The following FRMD3 variants were observed in gnomAD, a reference collection of about 807,000 sequenced individuals.
FRMD3 encodes the protein FERM domain-containing protein 3.
FRMD3 carries 33 observed loss-of-function variants against 70.2 expected under a neutral mutation model. The observed-to-expected ratio is 0.47, with a 90% CI of 0.36 to 0.63. FRMD3 has a LOEUF of 0.63. FRMD3 is among the 20% of genes least tolerant of loss of function. The pLI is 0.00. For missense variants in FRMD3, 632 were observed against 711.4 expected (o/e 0.89, Z 1.27); for synonymous variants, 279 against 255.9 (o/e 1.09, Z -0.86).
intron 1 of FRMD3, among the ~76,000 whole-genome samples, chr9:83,488,488 G>A (rs1205188792): frequency 2.0e-5 from 3 of 152,170 alleles, no homozygotes; most frequent in Non-Finnish European, 4.4e-5. Flanking sequence ...CTATGGATTA[G>A]GACAGGTGGG....
At chr9:83,484,728 A>G (rs541730394) in intron 1 of FRMD3, among the ~76,000 whole-genome samples, 4 of 152,296 alleles carry the variant, frequency 2.6e-5, no homozygotes, top group African/African-American at 7.2e-5. Flanking sequence ...TGTGTTGCCA[A>G]TTTTAAGGAG....
At chr9:83,415,801 A>T (rs990578713) in intron 1 of FRMD3, among the ~76,000 whole-genome samples, 7 of 151,846 alleles carry the variant, frequency 4.6e-5, no homozygotes, top group African/African-American at 1.7e-4. Flanking sequence ...AGCCTTTTAT[A>T]TGTAATTTGT....
intron 2 of FRMD3, among the ~76,000 whole-genome samples, chr9:83,378,490 T>A (rs1825225077): frequency 8.8e-6 from 1 of 114,024 alleles, no homozygotes; most frequent in African/African-American, 3.4e-5. Flanking sequence ...ATATATAATA[T>A]ACATATAAAA....
the FRMD3 span, among the ~76,000 whole-genome samples, chr9:83,562,132 G>A: frequency 3.3e-5 from 5 of 152,288 alleles, no homozygotes; most frequent in East Asian, 1.9e-4. Context: ...CTCACAGAAC[G>A]AGCTAGCGGG....
chr9:83,451,731 C>A (rs1827663917), intron 1 of FRMD3, among the ~76,000 whole-genome samples: 1 of 152,164 alleles, frequency 6.6e-6, no homozygotes, highest in African/African-American at 2.4e-5. Flanking sequence ...GCCAGAGGAC[C>A]AGTCCCAGCC....
At chr9:83,411,612 C>A (rs371561980) in intron 1 of FRMD3, among the ~76,000 whole-genome samples, 1 of 152,194 alleles carries the variant, frequency 6.6e-6, no homozygotes, top group South Asian at 2.1e-4. Context: ...AGTGGGGATT[C>A]CCCCTTGCTT....
intron 5 of FRMD3, among the ~76,000 whole-genome samples, chr9:83,336,077 G>A (rs965756715): frequency 1.3e-5 from 2 of 152,068 alleles, no homozygotes; most frequent in African/African-American, 4.8e-5. Flanking sequence ...AAGAATACAG[G>A]ATTTCAGTTA....
chr9:83,334,495 G>C (rs917892041), intron 6 of FRMD3, among the ~76,000 whole-genome samples: 5 of 152,198 alleles, frequency 3.3e-5, no homozygotes, highest in African/African-American at 1.2e-4. Context: ...GTCTGTTCCA[G>C]AATGCATAAT....
intron 4 of FRMD3, among the ~76,000 whole-genome samples, chr9:83,349,104 T>A (rs1370379999): frequency 6.6e-6 from 1 of 152,072 alleles, no homozygotes; most frequent in African/African-American, 2.4e-5. Flanking sequence ...TGTGCCCAGG[T>A]TATTCAAGGA....
chr9:83,464,884 G>C (rs1270904176), intron 1 of FRMD3, among the ~76,000 whole-genome samples: 1 of 151,732 alleles, frequency 6.6e-6, no homozygotes. Flanking sequence ...GCCAGGCTTG[G>C]TGGTGTGCAC....
At chr9:83,565,268 T>C in the FRMD3 span, among the ~76,000 whole-genome samples, 3 of 152,234 alleles carry the variant, frequency 2.0e-5, no homozygotes, top group African/African-American at 7.2e-5. Flanking sequence ...GTCCTTAAAG[T>C]GTTCTCTGGA....
intron 13 of FRMD3, among the ~76,000 whole-genome samples, chr9:83,263,479 T>C (rs1033992273): frequency 6.6e-6 from 1 of 152,188 alleles, no homozygotes; most frequent in African/African-American, 2.4e-5. Context: ...TTACATGTCA[T>C]GGCAAACATT....
intron 13 of FRMD3, 106 bp downstream of exon 13, chr9:83,290,497 C>T: frequency 7.7e-7 from 1 of 1,291,578 alleles, no homozygotes; most frequent in Admixed American, 1.7e-5. Flanking sequence ...GCCCACTCCA[C>T]CCCATACACT....
At chr9:83,392,758 C>T (rs1210307373) in intron 1 of FRMD3, among the ~76,000 whole-genome samples, 1 of 152,156 alleles carries the variant, frequency 6.6e-6, no homozygotes, top group Non-Finnish European at 1.5e-5. Flanking sequence ...GGCAGTTCCA[C>T]AAATGTAGTG....
At chr9:83,349,593 G>A in intron 4 of FRMD3, 86 bp downstream of exon 4, 1 of 901,272 alleles carries the variant, frequency 1.1e-6, no homozygotes, top group Non-Finnish European at 1.8e-6. Flanking sequence ...GTCAGCTCTA[G>A]ACAGGAGGCC....
chr9:83,298,673 C>T (rs1301393479), intron 12 of FRMD3, 75 bp downstream of exon 12: 1 of 1,109,336 alleles, frequency 9.0e-7, no homozygotes, highest in South Asian at 1.3e-5. Flanking sequence ...TGTCACTACA[C>T]AAAGGGATGT....
At chr9:83,411,060 G>A (rs574561425) in intron 1 of FRMD3, among the ~76,000 whole-genome samples, 1 of 152,310 alleles carries the variant, frequency 6.6e-6, no homozygotes, top group Admixed American at 6.5e-5. Flanking sequence ...TTTGGGGCAA[G>A]AGCGAAGATC....
At chr9:83,570,208 G>A in the FRMD3 span, among the ~76,000 whole-genome samples, 1 of 152,172 alleles carries the variant, frequency 6.6e-6, no homozygotes, top group East Asian at 1.9e-4. Flanking sequence ...GCAGATAGAG[G>A]TATCTGATTA....
intron 1 of FRMD3, among the ~76,000 whole-genome samples, chr9:83,494,149 G>T (rs944940621): frequency 6.6e-6 from 1 of 152,222 alleles, no homozygotes; most frequent in Non-Finnish European, 1.5e-5. Context: ...GGGCAACTGG[G>T]AAAGGCTAAG....
Sources: gnomAD v4.1 joint callset for allele counts (sites outside exome capture counted in the v4.1 genomes callset) on GRCh38, gnomAD v4.1.1 for gene constraint, MANE v1.5 for transcripts, NCBI Gene and HGNC (gene_info 2026-07-23, HGNC 2026-07-21) for gene names.